BORCS5: variants seen among roughly 807,000 people sequenced by gnomAD.
BORCS5 encodes BLOC-1-related complex subunit 5.
Under a neutral mutation model 22.1 loss-of-function variants are expected in BORCS5, and 17 were observed. The observed-to-expected ratio is 0.77, with a 90% confidence interval of 0.53 to 1.15. BORCS5 has a LOEUF of 1.15. BORCS5 is among the 50% of genes most tolerant of loss of function. The pLI is 0.00. For missense variants in BORCS5, 247 were observed against 253.2 expected, an observed-to-expected ratio of 0.98 and a Z score of 0.17; for synonymous variants, 117 against 99.8, an observed-to-expected ratio of 1.17 and a Z score of -1.03.
At chr12:12,409,437 C>T (rs1312571644) in intron 2 of BORCS5, among the ~76,000 whole-genome samples, 1 of 151,040 alleles carries the variant, frequency 6.6e-6, no homozygotes. Context: ...AACACATGGA[C>T]ACTTATTGTT....
At chr12:12,382,486 A>G (rs1047024164) in intron 2 of BORCS5, among the ~76,000 whole-genome samples, 1 of 151,026 alleles carries the variant, frequency 6.6e-6, no homozygotes. Flanking sequence ...CAAGTATCCA[A>G]ATGATATCAC....
At chr12:12,433,811 C>T (rs2136122869) in intron 2 of BORCS5, among the ~76,000 whole-genome samples, 1 of 152,292 alleles carries the variant, frequency 6.6e-6, no homozygotes, top group African/African-American at 2.4e-5. Context: ...CTGTATGCTG[C>T]TCTGTCTCAG....
At chr12:12,437,103 TCTC>T (rs1441115779) in intron 3 of BORCS5, among the ~76,000 whole-genome samples, 1 of 152,168 alleles carries the variant, frequency 6.6e-6, no homozygotes, top group Non-Finnish European at 1.5e-5. Context: ...CCTACCCAAA[TCTC>T]CTCTTGAATT....
chr12:12,445,634 T>G (rs752706887), intron 3 of BORCS5, among the ~76,000 whole-genome samples: 21 of 150,924 alleles, frequency 1.4e-4, no homozygotes, highest in Non-Finnish European at 2.5e-4. Context: ...TCTTTTATTT[T>G]TTAATTTAAT....
rs943816066 is a variant in BORCS5 at position 12,362,903 on chromosome 12, G to A, written c.202+1554G>A. 5.3e-5 allele frequency among the ~76,000 whole-genome samples: 8 copies of A among 151,496 alleles called. No homozygotes were observed. The South Asian group carries it at 1.3e-3, about 24-fold the overall frequency. Reference sequence around the variant, plus strand: ...TGACCTCAGGTGATCCACCCACCTCGGCCTCCCAAAGTGCTGGGATTACAG... The same window carrying A: ...TGACCTCAGGTGATCCACCCACCTCAGCCTCCCAAAGTGCTGGGATTACAG... On this transcript the variant is annotated intron_variant, in intron 2 of 3. Transcript: ENST00000314565.
At chr12:12,425,805 A>G (rs1412290064) in intron 2 of BORCS5, among the ~76,000 whole-genome samples, 1 of 152,214 alleles carries the variant, frequency 6.6e-6, no homozygotes, top group Admixed American at 6.5e-5. Context: ...CTACAGTGCT[A>G]GTACATAGTA....
At position 12,435,616 on chromosome 12, in the gene BORCS5, T is replaced by TC. The variant is rs779690909; in HGVS notation, c.203-11dup. 3 of 1,587,736 alleles carry TC rather than the reference T, an allele frequency of 1.9e-6. No homozygotes were observed. The highest frequency in any genetic ancestry group is 4.5e-5 in the East Asian group (2 of 44,474). The stretch of plus-strand genomic sequence containing the variant: ...TAATTTTAATTTCATTTCATTTTTT[T>TC]CTCCTTTGAAGGGCTATTGAGTGGC... On this transcript the variant is annotated splice_polypyrimidine_tract_variant and intron_variant, in intron 2 of 3. Transcript: ENST00000314565.
chr12:12,430,150 A>ATTTTTTTTTTTTT (rs1565905968), intron 2 of BORCS5, among the ~76,000 whole-genome samples: 2 of 74,410 alleles, frequency 2.7e-5, no homozygotes, highest in African/African-American at 7.7e-5. Context: ...CCTTAGAGAA[A>ATTTTTTTTTTTTT]ATTTTTTTTT....
intron 3 of BORCS5, among the ~76,000 whole-genome samples, chr12:12,441,347 G>T (rs556397153): frequency 6.6e-6 from 1 of 152,282 alleles, no homozygotes; most frequent in South Asian, 2.1e-4. Context: ...CACTGCCAAG[G>T]TTCAATCCTG....
chr12:12,416,245 C>T lies in BORCS5; in HGVS notation c.203-19383C>T, dbSNP rs186144001. On this transcript the variant is annotated intron_variant, in intron 2 of 3. Transcript: ENST00000314565. The stretch of plus-strand genomic sequence containing the variant: ...TCCTCTACTCTAGCAAAAGGTTTGT[C>T]AATTTTGTTTATCTTTTTAAAGAAT... 3.3e-5 allele frequency among the ~76,000 whole-genome samples: 5 copies of T among 151,974 alleles called. No homozygotes were observed. In the East Asian group the frequency reaches 9.7e-4, roughly 29 times the overall value.
At chr12:12,464,712 G>GA (rs1269338107) in intron 3 of BORCS5, among the ~76,000 whole-genome samples, 11 of 152,154 alleles carry the variant, frequency 7.2e-5, no homozygotes, top group Non-Finnish European at 1.6e-4. Context: ...GTACTAAAGA[G>GA]CCTCTGTAAG....
At chr12:12,412,315 T>C (rs970763385) in intron 2 of BORCS5, among the ~76,000 whole-genome samples, 1 of 152,230 alleles carries the variant, frequency 6.6e-6, no homozygotes, top group African/African-American at 2.4e-5. Context: ...ATGGTTTTTT[T>C]TATTGTACAA....
intron 2 of BORCS5, among the ~76,000 whole-genome samples, chr12:12,370,136 G>A (rs1266607803): frequency 2.4e-5 from 3 of 122,666 alleles, no homozygotes; most frequent in East Asian, 2.5e-4. Context: ...ACACACACAC[G>A]TTTTTGTTTT....
At position 12,470,488 on chromosome 12, in the gene BORCS5, C is replaced by T. The variant is rs1943277094; in HGVS notation, c.*4712C>T. ...AGCGTGAACCCTATTGTGAACTGCG[C>T]ACGTGAAGGATCTAGGTTTTGCGCT... On this transcript the variant is annotated 3_prime_UTR_variant, in exon 4 of 4. Transcript: ENST00000314565. 6.6e-6 allele frequency among the ~76,000 whole-genome samples: 1 copy of T among 152,108 alleles called. No individual in the cohort carries two copies. Among genetic ancestry groups the T allele is most frequent in the Non-Finnish European group, 1.5e-5 (1 of 68,030 alleles).
At chr12:12,438,382 G>GAAAAAAA (rs1565915767) in intron 3 of BORCS5, among the ~76,000 whole-genome samples, 36 of 106,942 alleles carry the variant, frequency 3.4e-4, no homozygotes, top group African/African-American at 1.6e-3. Flanking sequence ...AAAAAAAAAC[G>GAAAAAAA]AAAAACAACA....
chr12:12,357,752 T>C (rs1263252766), intron 1 of BORCS5, among the ~76,000 whole-genome samples: 1 of 152,176 alleles, frequency 6.6e-6, no homozygotes, highest in Non-Finnish European at 1.5e-5. Flanking sequence ...AACAGCCGTT[T>C]CTCCCAGCTA....
intron 2 of BORCS5, among the ~76,000 whole-genome samples, chr12:12,392,273 T>C (rs1221528501): frequency 6.6e-6 from 1 of 151,754 alleles, no homozygotes; most frequent in African/African-American, 2.4e-5. Flanking sequence ...TCCAAAGAGG[T>C]TAGGTGACTT....
intron 2 of BORCS5, among the ~76,000 whole-genome samples, chr12:12,419,055 A>G (rs1013310019): frequency 3.3e-5 from 5 of 151,870 alleles, no homozygotes; most frequent in Admixed American, 3.3e-4. Context: ...TTTTTTTAAA[A>G]TTATTATACT....
chr12:12,456,127 A>G (rs1327289545), intron 3 of BORCS5, among the ~76,000 whole-genome samples: 1 of 152,154 alleles, frequency 6.6e-6, no homozygotes, highest in Non-Finnish European at 1.5e-5. Context: ...CTTTACTTTG[A>G]AAAGAACTAC....
Sources: gnomAD v4.1 joint callset for allele counts (sites outside exome capture counted in the v4.1 genomes callset) on GRCh38, gnomAD v4.1.1 for gene constraint, MANE v1.5 for transcripts, NCBI Gene and HGNC (gene_info 2026-07-23, HGNC 2026-07-21) for gene names.